KLF7: variants seen among roughly 807,000 people sequenced by gnomAD.
KLF7 encodes the protein KLF transcription factor 7.
In KLF7, 2 loss-of-function variants were observed where a neutral mutation model predicts 27.3. That is an observed-to-expected ratio of 0.07 (90% confidence interval 0.03 to 0.23). The LOEUF (loss-of-function observed/expected upper bound fraction) is 0.23. KLF7 is among the 10% of genes least tolerant of loss of function. The pLI, the probability that KLF7 is intolerant of heterozygous loss-of-function variation, is 1.00. For missense variants in KLF7, 221 were observed against 394.1 expected, an observed-to-expected ratio of 0.56 and a Z score of 3.72; for synonymous variants, 165 against 162.4, an observed-to-expected ratio of 1.02 and a Z score of -0.12.
intron 1 of KLF7, among the ~76,000 whole-genome samples, chr2:207,136,740 C>G (rs115434319): frequency 0.012 from 1,858 of 152,302 alleles, 38 homozygotes; most frequent in African/African-American, 0.042. Context: ...CCAAAACATA[C>G]TAGTTGAATC....
chr2:207,112,979 T>C (rs1289176455), intron 2 of KLF7, among the ~76,000 whole-genome samples: 1 of 152,202 alleles, frequency 6.6e-6, no homozygotes, highest in Non-Finnish European at 1.5e-5. Flanking sequence ...AAACCCATAA[T>C]AGGAAAGTCA....
At chr2:207,112,553 T>C (rs892309953) in intron 2 of KLF7, among the ~76,000 whole-genome samples, 1 of 152,212 alleles carries the variant, frequency 6.6e-6, no homozygotes, top group African/African-American at 2.4e-5. Context: ...TTGCTAACTA[T>C]TTCTGTGCAC....
At position 207,122,013 on chromosome 2, in the gene KLF7, C is replaced by T. The variant is rs539033141; in HGVS notation, c.733+1761G>A. The T allele has an allele frequency of 2.0e-5, 3 of 152,360 alleles. No homozygotes were observed. The South Asian group carries it at 6.2e-4, about 32-fold the overall frequency. The allele number at this position is 152,360 out of a possible 1,614,324, so 9.4% of individuals were successfully genotyped here. A position where few individuals can be genotyped will look rare whatever the true frequency, so the allele number is the denominator to read the frequency against. On this transcript the variant is annotated intron_variant, in intron 2 of 3. Transcript: ENST00000309446. ...GCCCTTTTCTGCCTTCTCCGGTTTC[C>T]TGGAGGGGCCAGGAGATGAGTCATG...
upstream of KLF7, among the ~76,000 whole-genome samples, chr2:207,169,085 A>G (rs1313228460): frequency 1.3e-5 from 2 of 152,188 alleles, no homozygotes; most frequent in East Asian, 3.8e-4. Context: ...TTTGCTCATT[A>G]CCATGTGTCC....
At chr2:207,172,698 C>A in the KLF7 span, among the ~76,000 whole-genome samples, 1 of 152,254 alleles carries the variant, frequency 6.6e-6, no homozygotes, top group African/African-American at 2.4e-5. Flanking sequence ...TCAAAGTATT[C>A]TCTTCTGAAT....
chr2:207,128,346 G>C (rs928719916), intron 1 of KLF7, among the ~76,000 whole-genome samples: 14 of 151,960 alleles, frequency 9.2e-5, no homozygotes, highest in African/African-American at 3.4e-4. Flanking sequence ...GGAAGGAAAG[G>C]GTCAGCTCCT....
chr2:207,166,093 C>T (rs2078700204), upstream of KLF7: 1 of 970,008 alleles, frequency 1.0e-6, no homozygotes, highest in Non-Finnish European at 1.2e-6. Flanking sequence ...CTTTTCTCCT[C>T]CTCCTGCTCT....
chr2:207,166,956 C>T (rs556755059), upstream of KLF7: 112 of 682,776 alleles, frequency 1.6e-4, no homozygotes, highest in Middle Eastern at 2.3e-3. Context: ...CGCCGCCGCC[C>T]TCCCTCCCGC....
At chr2:207,096,920 A>G (rs1574441223) in intron 2 of KLF7, among the ~76,000 whole-genome samples, 1 of 152,334 alleles carries the variant, frequency 6.6e-6, no homozygotes, top group East Asian at 1.9e-4. Flanking sequence ...GCAGTCCTCT[A>G]GCAACAGTGG....
upstream of KLF7, among the ~76,000 whole-genome samples, chr2:207,168,615 CT>C (rs979061799): frequency 1.4e-4 from 22 of 152,196 alleles, no homozygotes; most frequent in African/African-American, 4.3e-4. Context: ...TCCATTGAGA[CT>C]TTTCCTATGT....
At chr2:207,154,180 T>C (rs750715291) in intron 1 of KLF7, among the ~76,000 whole-genome samples, 8 of 152,196 alleles carry the variant, frequency 5.3e-5, no homozygotes, top group East Asian at 1.9e-4. Context: ...GAGATATTTA[T>C]AGATCTCATA....
At position 207,124,250 on chromosome 2, in the gene KLF7, G is replaced by A; in HGVS notation, c.257C>T (p.Ala86Val). 5 of 1,614,090 alleles carry A rather than the reference G, an allele frequency of 3.1e-6. No individual in the cohort carries two copies. Among genetic ancestry groups the A allele is most frequent in the South Asian group, 1.1e-5 (1 of 91,068 alleles). Residue 86 changes from alanine (A) to valine (V), a missense_variant, in exon 2 of 4, where the codon GCG becomes GTG. Ala to Val is a moderately conservative substitution (Grantham distance 64). Around this residue, in one of 3 missense-constraint regions of KLF7, gnomAD observed 180 missense variants for 227.9 expected, o/e 0.79. Coordinates refer to ENST00000309446, the MANE Select transcript of KLF7 (RefSeq NM_003709.4). Reference sequence around the variant, plus strand: ...TGCCGAGCTCTTCTCACAGATGGCCGCTTCCACGGGGAGCAGCAGGGGGTC... The same window carrying A: ...TGCCGAGCTCTTCTCACAGATGGCCACTTCCACGGGGAGCAGCAGGGGGTC... ...RLDPLLLPVE[A>V]AICEKSSAVD...
intron 1 of KLF7, among the ~76,000 whole-genome samples, chr2:207,157,436 G>A (rs894496663): frequency 2.0e-5 from 3 of 151,718 alleles, no homozygotes; most frequent in African/African-American, 7.3e-5. Context: ...GAGGAAAAAG[G>A]CTAAAGGAAA....
At chr2:207,099,181 C>G (rs2076699341) in intron 2 of KLF7, among the ~76,000 whole-genome samples, 3 of 151,954 alleles carry the variant, frequency 2.0e-5, no homozygotes, top group Admixed American at 2.0e-4. Flanking sequence ...ATTTTTCTTG[C>G]AAGGAGGGTG....
chr2:207,128,571 T>C (rs1402764205), intron 1 of KLF7, among the ~76,000 whole-genome samples: 1 of 152,150 alleles, frequency 6.6e-6, no homozygotes, highest in Non-Finnish European at 1.5e-5. Flanking sequence ...AGATAAAATA[T>C]AATAACTCTA....
chr2:207,149,001 T>C, intron 1 of KLF7: 1 of 1,158,556 alleles, frequency 8.6e-7, no homozygotes, highest in South Asian at 1.7e-5. Flanking sequence ...CTACTGTCCT[T>C]CCTTTTGTTC....
rs1470966686 is a variant in KLF7, at chr2:207,079,106, T to C, written c.*2107A>G. On this transcript the variant is annotated 3_prime_UTR_variant, in exon 4 of 4. Transcript: ENST00000309446. Reference sequence around the variant, plus strand: ...TTGTTTTTGTTTTTTTTGGTCTAAATAGAAAAAAGGAAAAGGAGAAAGTAA... The same window carrying C: ...TTGTTTTTGTTTTTTTTGGTCTAAACAGAAAAAAGGAAAAGGAGAAAGTAA... 6.6e-6 allele frequency: 1 copy of C among 151,316 alleles called. No homozygotes were observed. Among genetic ancestry groups the C allele is most frequent in the Non-Finnish European group, 1.5e-5 (1 of 67,856 alleles). The allele number at this position is 151,316 out of a possible 1,614,324, so 9.4% of individuals were successfully genotyped here.
intron 1 of KLF7, among the ~76,000 whole-genome samples, chr2:207,162,818 C>A (rs1387415139): frequency 6.6e-6 from 1 of 152,218 alleles, no homozygotes; most frequent in Non-Finnish European, 1.5e-5. Flanking sequence ...AGAGTCTCCA[C>A]ATTTTGCTCA....
intron 1 of KLF7, among the ~76,000 whole-genome samples, chr2:207,137,256 C>G (rs1032480697): frequency 6.6e-6 from 1 of 152,148 alleles, no homozygotes; most frequent in African/African-American, 2.4e-5. Flanking sequence ...GAATTCATTC[C>G]CTGACATTAG....
Sources: gnomAD v4.1 joint callset for allele counts (sites outside exome capture counted in the v4.1 genomes callset) on GRCh38, gnomAD v4.1.1 for gene constraint, gnomAD v4.1.1 regional missense constraint, MANE v1.5 for transcripts, NCBI Gene and HGNC (gene_info 2026-07-23, HGNC 2026-07-21) for gene names.